The following EIF2S3 variants were observed in gnomAD, a reference collection of about 807,000 sequenced individuals.
EIF2S3 encodes the protein eukaryotic translation initiation factor 2 subunit 3.
A neutral mutation model predicts 31.7 loss-of-function variants in EIF2S3; 2 were observed. That is an observed-to-expected ratio of 0.06 (90% CI 0.03 to 0.20). The LOEUF (loss-of-function observed/expected upper bound fraction) is 0.20. Among genes scored for constraint, EIF2S3 ranks in the 10% least tolerant of loss-of-function variants. EIF2S3 has a pLI of 1.00. For synonymous variants in EIF2S3, 120 were observed against 126.7 expected (o/e 0.95, Z 0.36); for missense variants, 96 against 359.3 (o/e 0.27, Z 5.92).
At chrX:24,062,338 C>G (rs1490362116) in intron 5 of EIF2S3, 78 bp from the exon 6 acceptor site, 3 of 1,083,168 alleles carry the variant, frequency 2.8e-6, no homozygotes, top group Admixed American at 3.2e-5. Context: ...TTTGCTTTGT[C>G]TCTTTATGGA....
At position 24,062,324 on chromosome X, in the gene EIF2S3, A is replaced by G. The variant is rs764427990; in HGVS notation, c.479-92A>G. The G allele has an allele frequency of 5.3e-5, 54 of 1,010,619 alleles. No homozygotes were observed. In the African/African-American group the frequency reaches 8.5e-4, roughly 16 times the overall value. 83.3% of individuals were successfully genotyped at this position (1,010,619 alleles called of 1,213,427 possible). The stretch of plus-strand genomic sequence containing the variant: ...TTCCTCCCCCAGCCCCTTGCAACCC[A>G]TAATTTGCTTTGTCTCTTTATGGAT... On this transcript the variant is annotated intron_variant, in intron 5 of 11. Transcript: ENST00000253039.
intron 5 of EIF2S3, 61 bp from the exon 6 acceptor site, chrX:24,062,355 C>A: frequency 1.2e-5 from 13 of 1,129,119 alleles, no homozygotes; most frequent in Non-Finnish European, 1.5e-5. Flanking sequence ...TGGATTTGCC[C>A]GCCTATTCTG....
intron 5 of EIF2S3, among the ~76,000 whole-genome samples, chrX:24,061,354 T>C (rs1930490315): frequency 2.8e-5 from 3 of 107,066 alleles, no homozygotes; most frequent in Non-Finnish European, 5.8e-5. Context: ...GTGTCAGGAG[T>C]TTGAGACCAG....
intron 5 of EIF2S3, among the ~76,000 whole-genome samples, chrX:24,060,948 CAA>C (rs35873085): frequency 4.1e-5 from 1 of 24,322 alleles, no homozygotes; most frequent in African/African-American, 1.9e-4. Context: ...AACTACATCT[CAA>C]AAAAAAAAAA....
At chrX:24,060,474 T>G (rs1930472802) in intron 5 of EIF2S3, 1 of 334,123 alleles carries the variant, frequency 3.0e-6, no homozygotes, top group African/African-American at 2.6e-5. Flanking sequence ...ATTTATTTAG[T>G]TTTAAATGTA....
rs1037654609 is a variant in EIF2S3, at chrX:24,078,248, ACTC to A, written c.*1466_*1468del. Among the ~76,000 whole-genome samples, 12 of 105,305 alleles carry A rather than the reference ACTC, an allele frequency of 1.1e-4. No individual in the cohort carries two copies. Among genetic ancestry groups the A allele is most frequent in the African/African-American group, 4.2e-4 (12 of 28,762 alleles). 91.4% of individuals were successfully genotyped at this position (105,305 alleles called of 115,157 possible). On this transcript the variant is annotated 3_prime_UTR_variant, in exon 12 of 12. Coordinates refer to ENST00000253039, the MANE Select transcript of EIF2S3 (RefSeq NM_001415.4). ...ACCATGTTGCCCAGGCTGGTCTTGA[ACTC>A]CTAACCTCAGGTGATCCGCCCGCCT...
chrX:24,072,455 G>T (rs1180513838), intron 10 of EIF2S3, among the ~76,000 whole-genome samples: 1 of 110,160 alleles, frequency 9.1e-6, no homozygotes, highest in Non-Finnish European at 1.9e-5. Flanking sequence ...GGCTAATTTT[G>T]TATTTTTTGT....
At chrX:24,062,293 CAT>C in intron 5 of EIF2S3, 121 bp from the exon 6 acceptor site, 1 of 722,105 alleles carries the variant, frequency 1.4e-6, no homozygotes, top group Non-Finnish European at 2.0e-6. Context: ...CGTCAGTCCA[CAT>C]GTTTTCCTCC....
chrX:24,071,989 C>T (rs1930678233), intron 10 of EIF2S3, among the ~76,000 whole-genome samples: 2 of 108,049 alleles, frequency 1.9e-5, no homozygotes, highest in Non-Finnish European at 3.8e-5. Flanking sequence ...AATTCTCTTG[C>T]CTCGGTTTCC....
intron 4 of EIF2S3, among the ~76,000 whole-genome samples, chrX:24,058,191 A>G (rs1930432698): frequency 8.9e-6 from 1 of 111,753 alleles, no homozygotes. Flanking sequence ...AGTGATGTTT[A>G]TGGGGATTGG....
At chrX:24,067,923 G>T (rs750490654) in intron 8 of EIF2S3, 41 bp from the exon 9 acceptor site, 14 of 1,133,279 alleles carry the variant, frequency 1.2e-5, no homozygotes, top group Non-Finnish European at 1.5e-5. Flanking sequence ...TGATAATTTT[G>T]CGTAACACAG....
intron 9 of EIF2S3, 78 bp downstream of exon 9, chrX:24,068,186 A>G (rs1930607410): frequency 1.0e-6 from 1 of 970,268 alleles, no homozygotes; most frequent in Admixed American, 3.1e-5. Context: ...ACCAAAAGGG[A>G]CATATTACAG....
intron 5 of EIF2S3, 156 bp downstream of exon 5, chrX:24,060,338 C>A (rs762432597): frequency 2.3e-6 from 1 of 436,719 alleles, no homozygotes; most frequent in Admixed American, 3.9e-5. Context: ...TCCTACCTAT[C>A]AGCTATCACA....
chrX:24,056,662 C>T lies in EIF2S3; in HGVS notation c.134-759C>T, dbSNP rs766577640. On this transcript the variant is annotated intron_variant, in intron 2 of 11. Coordinates refer to ENST00000253039, the MANE Select transcript of EIF2S3 (RefSeq NM_001415.4). ...TTGCTTGAGCCCAGGAGTTGGAGAC[C>T]ACCTGGGCAACGTGGCCAAACCCCA... is the stretch of plus-strand genomic sequence containing the variant. 1.9e-3 allele frequency among the ~76,000 whole-genome samples: 212 copies of T among 111,111 alleles called. 1 individual carries two copies. Among genetic ancestry groups the T allele is most frequent in the African/African-American group, 6.5e-3 (198 of 30,575 alleles).
intron 2 of EIF2S3, among the ~76,000 whole-genome samples, chrX:24,057,074 A>G (rs773189486): frequency 3.6e-5 from 4 of 112,595 alleles, no homozygotes; most frequent in African/African-American, 1.3e-4. Flanking sequence ...CTCTGTTGCC[A>G]GGCTGGAGTG....
At chrX:24,066,813 C>G (rs574234720) in intron 8 of EIF2S3, among the ~76,000 whole-genome samples, 28 of 112,280 alleles carry the variant, frequency 2.5e-4, no homozygotes, top group African/African-American at 9.0e-4. Context: ...TTTGCCCGGC[C>G]TATATACTGC....
chrX:24,058,086 C>G (rs982033267), intron 4 of EIF2S3, among the ~76,000 whole-genome samples: 2 of 112,325 alleles, frequency 1.8e-5, no homozygotes, highest in Non-Finnish European at 1.9e-5. Context: ...AGAGCCATTT[C>G]TAATTACTTC....
intron 11 of EIF2S3, among the ~76,000 whole-genome samples, chrX:24,074,099 C>T (rs1434332187): frequency 8.9e-6 from 1 of 112,212 alleles, no homozygotes; most frequent in Admixed American, 9.5e-5. Context: ...AGTTTTATTA[C>T]TTGTCCCAAT....
At chrX:24,072,694 C>A (rs1399684766) in intron 10 of EIF2S3, among the ~76,000 whole-genome samples, 1 of 110,757 alleles carries the variant, frequency 9.0e-6, no homozygotes, top group Non-Finnish European at 1.9e-5. Context: ...TTTTTCCCCC[C>A]ACTCAGGTGA....
Sources: allele counts gnomAD v4.1 joint callset (sites outside exome capture counted in the v4.1 genomes callset), GRCh38; gene constraint gnomAD v4.1.1; transcripts MANE v1.5; gene names NCBI Gene and HGNC (gene_info 2026-07-23, HGNC 2026-07-21).